MID1: variants seen among roughly 807,000 people sequenced by gnomAD.
MID1 encodes E3 ubiquitin-protein ligase Midline-1.
Under a neutral mutation model 40.4 loss-of-function variants are expected in MID1, and 7 were observed. The ratio of observed to expected loss-of-function variants is 0.17; its 90% CI spans 0.10 to 0.33. MID1 has a LOEUF of 0.33. Ranked by LOEUF, MID1 falls within the 10% of genes least tolerant of loss-of-function variation. MID1 has a pLI of 1.00. For synonymous variants in MID1, 229 were observed against 221.2 expected (o/e 1.04, Z -0.31); for missense variants, 367 against 558.5 (o/e 0.66, Z 3.46).
intron 1 of MID1, among the ~76,000 whole-genome samples, chrX:10,727,544 T>C (rs1467277127): frequency 8.9e-6 from 1 of 112,133 alleles, no homozygotes; most frequent in Non-Finnish European, 1.9e-5. Context: ...AACTTCGCAA[T>C]TTTTTTTCAA....
chrX:10,543,024 C>G (rs1300115450), intron 2 of MID1, among the ~76,000 whole-genome samples: 1 of 112,050 alleles, frequency 8.9e-6, no homozygotes, highest in Non-Finnish European at 1.9e-5. Context: ...TACACTGAAC[C>G]AATTTGAAGT....
At chrX:10,687,091 T>C (rs770091040) in intron 1 of MID1, among the ~76,000 whole-genome samples, 71 of 111,728 alleles carry the variant, frequency 6.4e-4, no homozygotes, top group Non-Finnish European at 1.1e-3. Context: ...TTATTTTGAC[T>C]AACAGAACAC....
intron 3 of MID1, among the ~76,000 whole-genome samples, chrX:10,521,196 T>C (rs905089627): frequency 8.7e-4 from 96 of 110,211 alleles, no homozygotes; most frequent in African/African-American, 2.9e-3. Context: ...CTCATTATCA[T>C]GGAATCAGCA....
intron 1 of MID1, among the ~76,000 whole-genome samples, chrX:10,808,727 T>C (rs1009582104): frequency 1.8e-5 from 2 of 110,793 alleles, no homozygotes; most frequent in East Asian, 2.9e-4. Context: ...TAGCCATATG[T>C]AGAAAGCTGA....
chrX:10,602,224 A>ATTTTTTTTTT (rs1935541686), intron 1 of MID1, among the ~76,000 whole-genome samples: 1 of 83,078 alleles, frequency 1.2e-5, no homozygotes, highest in African/African-American at 7.2e-5. Context: ...ATAGTTTCTG[A>ATTTTTTTTTT]CTTTTTTTTT....
intron 1 of MID1, among the ~76,000 whole-genome samples, chrX:10,595,937 A>G (rs1216149944): frequency 4.5e-5 from 5 of 112,028 alleles, no homozygotes; most frequent in African/African-American, 6.5e-5. Flanking sequence ...ATAAATATGT[A>G]CAATTATTAG....
At chrX:10,505,407 C>T (rs1931780520) in intron 3 of MID1, 18 of 750,161 alleles carry the variant, frequency 2.4e-5, no homozygotes, top group Admixed American at 1.8e-4. Context: ...AGGGGTTGCT[C>T]ATAATTCATT....
At position 10,551,294 on chromosome X, in the gene MID1, C is replaced by T. The variant is rs1224262970; in HGVS notation, c.660+15594G>A. Among the ~76,000 whole-genome samples, 4 of 111,908 alleles carry T rather than the reference C, an allele frequency of 3.6e-5. No homozygotes were observed. In the South Asian group the frequency reaches 1.1e-3, roughly 31 times the overall value. ...TGTGAAATCCACAGATACGGAGGGC[C>T]GATTGTATATGTACATGGTATTATT... On this transcript the variant is annotated intron_variant, in intron 2 of 9. Transcript: ENST00000317552.
chrX:10,763,900 G>A lies in MID1; in HGVS notation c.-187+69654C>T, dbSNP rs187449714. Among the ~76,000 whole-genome samples the A allele has an allele frequency of 2.7e-3, 297 of 111,979 alleles. 2 individuals are homozygous for A. Among genetic ancestry groups the A allele is most frequent in the Middle Eastern group, 4.6e-3 (1 of 218 alleles). On this transcript the variant is annotated intron_variant, in intron 1 of 10. Coordinates refer to the MID1 transcript ENST00000380785. ...GTATCTCATTGTGGTTTTGATTTGC[G>A]TTTCTCTGATAGCCAGTGATGATGA...
intron 1 of MID1, among the ~76,000 whole-genome samples, chrX:10,626,130 A>C (rs962737690): frequency 9.9e-5 from 11 of 110,880 alleles, no homozygotes; most frequent in Admixed American, 8.7e-4. Flanking sequence ...GTTATAGAAC[A>C]GTCCTTAACT....
At chrX:10,816,202 A>G (rs1247263600) in intron 1 of MID1, among the ~76,000 whole-genome samples, 5 of 112,064 alleles carry the variant, frequency 4.5e-5, no homozygotes, top group East Asian at 5.6e-4. Context: ...TAAAAGCTCA[A>G]CCAACAAAAT....
chrX:10,495,855 C>G (rs995993189), intron 3 of MID1, among the ~76,000 whole-genome samples, 164 bp from the exon 4 acceptor site: 2 of 112,311 alleles, frequency 1.8e-5, no homozygotes, highest in African/African-American at 3.2e-5. Context: ...ACTTACATGG[C>G]CACTTCCTAA....
chrX:10,728,201 G>GA (rs1417979223), intron 1 of MID1, among the ~76,000 whole-genome samples: 2 of 110,703 alleles, frequency 1.8e-5, no homozygotes, highest in Non-Finnish European at 3.8e-5. Flanking sequence ...CCCCCCCCAG[G>GA]AAAAAACGTA....
At chrX:10,661,312 C>A (rs1328840896) in intron 1 of MID1, among the ~76,000 whole-genome samples, 1 of 102,761 alleles carries the variant, frequency 9.7e-6, no homozygotes, top group East Asian at 2.8e-4. Flanking sequence ...GTGTCTCCAA[C>A]TATTTCTTTT....
At chrX:10,669,602 C>G (rs907016202) in intron 1 of MID1, among the ~76,000 whole-genome samples, 2 of 111,972 alleles carry the variant, frequency 1.8e-5, no homozygotes, top group African/African-American at 6.5e-5. Flanking sequence ...AGAAGGTTCA[C>G]AGAAAGTGTT....
chrX:10,576,772 T>C (rs774647756), intron 1 of MID1: 4 of 111,136 alleles, frequency 3.6e-5, no homozygotes, highest in African/African-American at 1.3e-4. Context: ...AGAGATCACC[T>C]TGAATACCCA....
intron 2 of MID1, 42 bp downstream of exon 2, chrX:10,566,846 T>C: frequency 1.7e-6 from 2 of 1,186,241 alleles, no homozygotes; most frequent in South Asian, 3.5e-5. Flanking sequence ...TCCATGACAT[T>C]TTCTGGCAGA....
chrX:10,704,163 C>T (rs2043210767), intron 1 of MID1, among the ~76,000 whole-genome samples: 1 of 111,982 alleles, frequency 8.9e-6, no homozygotes, highest in African/African-American at 3.2e-5. Context: ...CTCTCCCTAC[C>T]CAGTGCCTTG....
At chrX:10,620,107 G>A (rs755988604) in intron 1 of MID1, among the ~76,000 whole-genome samples, 183 bp downstream of exon 1, 3 of 112,310 alleles carry the variant, frequency 2.7e-5, no homozygotes, top group African/African-American at 9.7e-5. Flanking sequence ...GGACCAGACC[G>A]GGGTGGCTCA....
Sources: gnomAD v4.1 joint callset for allele counts (sites outside exome capture counted in the v4.1 genomes callset) on GRCh38, gnomAD v4.1.1 for gene constraint, MANE v1.5 for transcripts, NCBI Gene and HGNC (gene_info 2026-07-23, HGNC 2026-07-21) for gene names.